The following GRM1 variants were observed in gnomAD, a reference collection of about 807,000 sequenced individuals.
GRM1 encodes glutamate metabotropic receptor 1.
In GRM1, 33 loss-of-function variants were observed where a neutral mutation model predicts 90.9. The ratio of observed to expected loss-of-function variants is 0.36; its 90% CI spans 0.28 to 0.49. The LOEUF is 0.49. GRM1 is among the 20% of genes least tolerant of loss of function. The pLI, the probability that GRM1 is intolerant of heterozygous loss-of-function variation, is 0.99. For missense variants in GRM1, 1,190 were observed against 1,534.3 expected, an observed-to-expected ratio of 0.78 and a Z score of 3.75; for synonymous variants, 700 against 613.2, an observed-to-expected ratio of 1.14 and a Z score of -2.09.
chr6:146,382,212 T>C (rs1776341645), intron 5 of GRM1, among the ~76,000 whole-genome samples: 2 of 151,822 alleles, frequency 1.3e-5, no homozygotes, highest in Non-Finnish European at 2.9e-5. Flanking sequence ...ATTGAACGTA[T>C]ACATCATACA....
chr6:146,125,384 A>G (rs1292373626), intron 1 of GRM1, among the ~76,000 whole-genome samples: 4 of 151,946 alleles, frequency 2.6e-5, no homozygotes, highest in Admixed American at 6.6e-5. Context: ...TATAGCTGGT[A>G]TTTAGAACAT....
intron 7 of GRM1, among the ~76,000 whole-genome samples, chr6:146,404,117 T>C (rs1246618166): frequency 1.3e-5 from 2 of 152,112 alleles, no homozygotes; most frequent in Non-Finnish European, 2.9e-5. Flanking sequence ...AATCACACAA[T>C]ATATAGCTTT....
intron 1 of GRM1, among the ~76,000 whole-genome samples, chr6:146,127,579 A>G (rs1776243683): frequency 6.6e-6 from 1 of 152,074 alleles, no homozygotes. Context: ...GTAACAATGA[A>G]CCAGAAATAT....
At chr6:146,232,568 AT>A (rs1463620697) in intron 2 of GRM1, among the ~76,000 whole-genome samples, 2 of 151,996 alleles carry the variant, frequency 1.3e-5, no homozygotes, top group Admixed American at 1.3e-4. Flanking sequence ...TTAATGTACA[AT>A]TAAGTTATTG....
intron 7 of GRM1, among the ~76,000 whole-genome samples, chr6:146,422,333 G>T (rs543195740): frequency 6.6e-6 from 1 of 152,136 alleles, no homozygotes; most frequent in East Asian, 1.9e-4. Flanking sequence ...CTTGAGTAAG[G>T]AAAGTGGCTG....
chr6:146,165,407 A>C (rs1162044039), intron 2 of GRM1, among the ~76,000 whole-genome samples: 1 of 152,144 alleles, frequency 6.6e-6, no homozygotes, highest in African/African-American at 2.4e-5. Context: ...TATGGAAAAA[A>C]AATGGGGAAA....
At position 146,399,622 on chromosome 6, in the gene GRM1, C is replaced by A; in HGVS notation, c.2583C>A (p.Gly861=). ...TTSDVVRMHV[G]DGKLPCRSNT... ...CTGATGTTGTCCGCATGCATGTTGG[C>A]GATGGCAAGCTGCCCTGCCGCTCCA... The change falls in exon 7 of 8, where the codon GGC becomes GGA. Residue 861 remains glycine, a synonymous_variant. Transcript: ENST00000282753. This position sits in a 1 kb window ranked among gnomAD's most constrained non-coding sequence, Gnocchi z 5.4. The A allele has an allele frequency of 6.2e-7, 1 of 1,613,798 alleles. No homozygotes were observed. The highest frequency in any genetic ancestry group is 8.5e-7 in the Non-Finnish European group (1 of 1,179,904).
At chr6:146,161,280 C>A (rs917597253) in intron 2 of GRM1, among the ~76,000 whole-genome samples, 1 of 152,082 alleles carries the variant, frequency 6.6e-6, no homozygotes, top group Non-Finnish European at 1.5e-5. Flanking sequence ...AACCTGTGAG[C>A]TTCGGGGCAT....
intron 2 of GRM1, among the ~76,000 whole-genome samples, chr6:146,279,903 T>C (rs1782504853): frequency 6.6e-6 from 1 of 152,196 alleles, no homozygotes; most frequent in Non-Finnish European, 1.5e-5. Flanking sequence ...CACCAGTGTG[T>C]AATTTATCTG....
At chr6:146,043,486 A>C (rs979335951) in intron 1 of GRM1, among the ~76,000 whole-genome samples, 4 of 151,912 alleles carry the variant, frequency 2.6e-5, no homozygotes, top group African/African-American at 9.7e-5. Flanking sequence ...GTGCTGCTTA[A>C]TGCAACTTGT....
At chr6:146,036,649 G>A (rs969452362) in intron 1 of GRM1, among the ~76,000 whole-genome samples, 2 of 151,730 alleles carry the variant, frequency 1.3e-5, no homozygotes, top group African/African-American at 4.8e-5. Flanking sequence ...GAAGAGAATT[G>A]CTTCTCAGAA....
intron 3 of GRM1, among the ~76,000 whole-genome samples, chr6:146,333,080 C>T (rs890871076): frequency 2.6e-5 from 4 of 152,094 alleles, no homozygotes; most frequent in Non-Finnish European, 5.9e-5. Context: ...GAATACTTGT[C>T]TGTGAATATT....
intron 1 of GRM1, among the ~76,000 whole-genome samples, chr6:146,036,137 TG>T (rs1790883219): frequency 6.6e-6 from 1 of 151,978 alleles, no homozygotes; most frequent in Non-Finnish European, 1.5e-5. Context: ...AACTGCTTTG[TG>T]GATTTTCAGT....
chr6:146,065,871 G>A (rs1775827868), intron 1 of GRM1, among the ~76,000 whole-genome samples: 1 of 152,036 alleles, frequency 6.6e-6, no homozygotes, highest in South Asian at 2.1e-4. Flanking sequence ...CAAAAGAGAT[G>A]TTAGTCATGC....
intron 2 of GRM1, among the ~76,000 whole-genome samples, chr6:146,274,176 C>CAAT (rs10632074): frequency 0.21 from 31,830 of 151,942 alleles, 7,382 homozygotes; most frequent in African/African-American, 0.58. Flanking sequence ...ACAGGAATAT[C>CAAT]AAGATTTCTT....
chr6:146,110,100 G>C (rs990844888), intron 1 of GRM1, among the ~76,000 whole-genome samples: 5 of 152,302 alleles, frequency 3.3e-5, no homozygotes, highest in African/African-American at 1.2e-4. Flanking sequence ...AATGAGTTAA[G>C]ACTTTGGGCG....
chr6:146,155,606 A>T (rs1263191457), intron 1 of GRM1, among the ~76,000 whole-genome samples: 2 of 152,210 alleles, frequency 1.3e-5, no homozygotes, highest in African/African-American at 4.8e-5. Context: ...GGCTTTTCAA[A>T]GGAGGTGATA....
intron 5 of GRM1, among the ~76,000 whole-genome samples, chr6:146,365,961 G>A (rs1775670002): frequency 6.6e-6 from 1 of 152,120 alleles, no homozygotes; most frequent in African/African-American, 2.4e-5. Context: ...CATTTCCCTT[G>A]CCTCATCTTG....
intron 1 of GRM1, among the ~76,000 whole-genome samples, chr6:146,111,780 A>C (rs934778986): frequency 6.6e-6 from 1 of 152,246 alleles, no homozygotes; most frequent in Non-Finnish European, 1.5e-5. Context: ...TCTAGTTGCA[A>C]TAAGAAGTCA....
Sources: gnomAD v4.1 joint callset for allele counts (sites outside exome capture counted in the v4.1 genomes callset) on GRCh38, gnomAD v4.1.1 for gene constraint, Gnocchi (gnomAD v3.1) non-coding constraint, MANE v1.5 for transcripts, NCBI Gene and HGNC (gene_info 2026-07-23, HGNC 2026-07-21) for gene names.